SMYD1: variants seen among roughly 807,000 people sequenced by gnomAD.
SMYD1 encodes histone-lysine N-methyltransferase SMYD1.
SMYD1 carries 49 observed loss-of-function variants against 54.0 expected under a neutral mutation model. That is an observed-to-expected ratio of 0.91 (90% CI 0.72 to 1.15). The LOEUF is 1.15. Among genes scored for constraint, SMYD1 ranks in the 50% most tolerant of loss-of-function variants. The probability of loss-of-function intolerance (pLI) is 0.00; values close to 1 mark genes in which losing one functional copy is unlikely to be tolerated. For synonymous variants in SMYD1, 269 were observed against 234.2 expected, an observed-to-expected ratio of 1.15 and a Z score of -1.36; for missense variants, 653 against 639.6, an observed-to-expected ratio of 1.02 and a Z score of -0.23.
intron 6 of SMYD1, among the ~76,000 whole-genome samples, chr2:88,099,756 A>G (rs1295499020): frequency 2.0e-5 from 3 of 151,710 alleles, no homozygotes; most frequent in African/African-American, 7.3e-5. Flanking sequence ...AAAAAAATCA[A>G]AGAGAAATGT....
chr2:88,077,221 A>G (rs975171481), intron 1 of SMYD1, among the ~76,000 whole-genome samples: 11 of 152,212 alleles, frequency 7.2e-5, no homozygotes, highest in Non-Finnish European at 1.5e-4. Context: ...CAAGGAGCTG[A>G]GCAGCAGCTG....
intron 1 of SMYD1, among the ~76,000 whole-genome samples, chr2:88,076,595 A>G (rs1674071573): frequency 6.6e-6 from 1 of 152,216 alleles, no homozygotes; most frequent in African/African-American, 2.4e-5. Flanking sequence ...TACTTGCAGA[A>G]TGAAGCAGGG....
chr2:88,086,059 G>A (rs1244290583), intron 2 of SMYD1, among the ~76,000 whole-genome samples: 1 of 152,184 alleles, frequency 6.6e-6, no homozygotes, highest in Non-Finnish European at 1.5e-5. Flanking sequence ...AGCTACATAG[G>A]TGATAGCATT....
intron 6 of SMYD1, among the ~76,000 whole-genome samples, chr2:88,099,371 CCA>C (rs1470030967): frequency 1.3e-5 from 2 of 152,128 alleles, no homozygotes; most frequent in Admixed American, 1.3e-4. Context: ...CAGGCATGAG[CCA>C]CAGTGCCTGG....
chr2:88,111,953 T>C lies in SMYD1; in HGVS notation c.*1441T>C. ...CCCACGTTTGTTATCTCTGCCTAAATGTTAGCTTCTCCATCCTCACCACAT... is the reference window on the plus strand; with the variant it reads ...CCCACGTTTGTTATCTCTGCCTAAACGTTAGCTTCTCCATCCTCACCACAT... On this transcript the variant is annotated 3_prime_UTR_variant, in exon 10 of 10. Transcript: ENST00000419482. 1.5e-6 allele frequency: 1 copy of C among 663,510 alleles called. No individual in the cohort carries two copies. Among genetic ancestry groups the C allele is most frequent in the Non-Finnish European group, 2.7e-6 (1 of 364,182 alleles). 41.1% of individuals were successfully genotyped at this position (663,510 alleles called of 1,614,324 possible).
intron 6 of SMYD1, among the ~76,000 whole-genome samples, chr2:88,101,812 TCCAG>T (rs1455467973): frequency 1.3e-5 from 2 of 152,136 alleles, no homozygotes; most frequent in Non-Finnish European, 2.9e-5. Context: ...CACCCTATTG[TCCAG>T]GTTGGTATCA....
intron 1 of SMYD1, among the ~76,000 whole-genome samples, chr2:88,076,421 C>CCTG (rs1368409170): frequency 5.9e-5 from 9 of 152,102 alleles, no homozygotes; most frequent in African/African-American, 2.2e-4. Flanking sequence ...GACGGGGTTT[C>CCTG]GCCGTGTTGG....
chr2:88,074,463 A>G (rs1674015502), intron 1 of SMYD1, among the ~76,000 whole-genome samples: 1 of 152,188 alleles, frequency 6.6e-6, no homozygotes. Flanking sequence ...CCTTGTCTCA[A>G]GGTCTTTAAC....
chr2:88,068,419 T>G (rs1328113427), intron 1 of SMYD1, among the ~76,000 whole-genome samples: 1 of 152,204 alleles, frequency 6.6e-6, no homozygotes, highest in Non-Finnish European at 1.5e-5. Context: ...ACTATTTGTA[T>G]ATTTATAATT....
In SMYD1 at chr2:88,106,204, G is replaced by A. The variant is rs1361049213; in HGVS notation, c.982-121G>A. 6.0e-6 allele frequency: 8 copies of A among 1,335,850 alleles called. No homozygotes were observed. In the East Asian group the frequency reaches 2.0e-4, roughly 33 times the overall value. 82.7% of individuals were successfully genotyped at this position (1,335,850 alleles called of 1,614,324 possible). On this transcript the variant is annotated intron_variant, in intron 7 of 9. Transcript: ENST00000419482. Reference sequence around the variant, plus strand: ...CCCAAACCTGTGCTTTCCCACCTCTGTCAGCAATTGCCCCAGTCTTAAAAA... The same window carrying A: ...CCCAAACCTGTGCTTTCCCACCTCTATCAGCAATTGCCCCAGTCTTAAAAA...
chr2:88,092,784 C>T (rs1674492093), intron 4 of SMYD1, among the ~76,000 whole-genome samples: 1 of 152,234 alleles, frequency 6.6e-6, no homozygotes, highest in African/African-American at 2.4e-5. Flanking sequence ...CAAATTCAGC[C>T]ATGTATGGGC....
chr2:88,096,516 T>C, intron 5 of SMYD1, 79 bp from the exon 6 acceptor site: 1 of 1,286,838 alleles, frequency 7.8e-7, no homozygotes. Flanking sequence ...GAGACCCAAC[T>C]CCATGAAGCC....
intron 1 of SMYD1, among the ~76,000 whole-genome samples, chr2:88,077,646 A>G (rs1406644119): frequency 6.6e-6 from 1 of 151,864 alleles, no homozygotes; most frequent in African/African-American, 2.4e-5. Context: ...GAATCCAAAA[A>G]GTGGCTTTAG....
chr2:88,098,320 C>T (rs953885431), intron 6 of SMYD1, among the ~76,000 whole-genome samples: 1 of 152,144 alleles, frequency 6.6e-6, no homozygotes, highest in African/African-American at 2.4e-5. Flanking sequence ...TTCAATAGTT[C>T]AGTAGGCTAT....
chr2:88,100,744 A>G (rs1375546047), intron 6 of SMYD1, among the ~76,000 whole-genome samples: 1 of 152,220 alleles, frequency 6.6e-6, no homozygotes, highest in East Asian at 1.9e-4. Context: ...ACAAGGCAGC[A>G]GCTGGTAGCA....
chr2:88,108,681 C>A, intron 9 of SMYD1, 142 bp downstream of exon 9: 1 of 753,832 alleles, frequency 1.3e-6, no homozygotes, highest in Non-Finnish European at 2.0e-6. Flanking sequence ...CTTTAGCCCA[C>A]TACCCTTGTG....
intron 2 of SMYD1, among the ~76,000 whole-genome samples, chr2:88,085,147 TAAAC>T (rs373281166): frequency 0.01 from 1,581 of 151,546 alleles, 30 homozygotes; most frequent in African/African-American, 0.036. Context: ...AAAAAAAAAA[TAAAC>T]AAAAAACTGA....
chr2:88,092,462 A>T (rs1674483956), intron 4 of SMYD1, among the ~76,000 whole-genome samples: 1 of 152,194 alleles, frequency 6.6e-6, no homozygotes, highest in African/African-American at 2.4e-5. Context: ...TGAGCCATCA[A>T]CAATGAGCAA....
At chr2:88,106,197 C>A in intron 7 of SMYD1, 128 bp from the exon 8 acceptor site, 1 of 1,271,158 alleles carries the variant, frequency 7.9e-7, no homozygotes. Context: ...TGTGCTTTCC[C>A]ACCTCTGTCA....
Sources: gnomAD v4.1 joint callset for allele counts (sites outside exome capture counted in the v4.1 genomes callset) on GRCh38, gnomAD v4.1.1 for gene constraint, MANE v1.5 for transcripts, NCBI Gene and HGNC (gene_info 2026-07-23, HGNC 2026-07-21) for gene names.